The following ZNF385D variants were observed in gnomAD, a reference collection of about 807,000 sequenced individuals.
The protein encoded by ZNF385D is zinc finger protein 659.
A neutral mutation model predicts 35.8 loss-of-function variants in ZNF385D; 15 were observed. The observed-to-expected ratio is 0.42, with a 90% CI of 0.28 to 0.64. The LOEUF (loss-of-function observed/expected upper bound fraction) is 0.64, where lower values mean the gene tolerates loss of function less well. Among genes scored for constraint, ZNF385D ranks in the 30% least tolerant of loss-of-function variants. The probability of loss-of-function intolerance (pLI) is 0.23; values close to 1 mark genes in which losing one functional copy is unlikely to be tolerated. For missense variants in ZNF385D, 474 were observed against 494.6 expected (o/e 0.96, Z 0.39); for synonymous variants, 212 against 186.8 (o/e 1.13, Z -1.10).
chr3:21,743,329 T>C (rs2069610607), intron 1 of ZNF385D, among the ~76,000 whole-genome samples: 1 of 152,116 alleles, frequency 6.6e-6, no homozygotes, highest in Non-Finnish European at 1.5e-5. Context: ...ATACAATTAA[T>C]ATAAGCTTTA....
chr3:22,084,773 A>G (rs532861576), intron 3 of ZNF385D, among the ~76,000 whole-genome samples: 2 of 152,212 alleles, frequency 1.3e-5, no homozygotes, highest in East Asian at 3.8e-4. Context: ...CAGAATATAC[A>G]TTCTTCTCAG....
At chr3:21,491,920 A>G (rs185465483) in intron 4 of ZNF385D, among the ~76,000 whole-genome samples, 1 of 152,252 alleles carries the variant, frequency 6.6e-6, no homozygotes, top group Admixed American at 6.6e-5. Flanking sequence ...TTATTTGCAC[A>G]CTAAAGGTAA....
chr3:22,058,808 T>G (rs1699545880), intron 3 of ZNF385D, among the ~76,000 whole-genome samples: 1 of 152,220 alleles, frequency 6.6e-6, no homozygotes, highest in Non-Finnish European at 1.5e-5. Flanking sequence ...TTGCTTTGTA[T>G]ATTTGGTTAA....
intron 3 of ZNF385D, among the ~76,000 whole-genome samples, chr3:21,793,395 T>C (rs901994823): frequency 3.9e-5 from 6 of 152,248 alleles, no homozygotes; most frequent in Admixed American, 1.3e-4. Context: ...ATTTTGCAGA[T>C]AGAGGGAACA....
chr3:21,999,256 A>G (rs1218782492), intron 3 of ZNF385D, among the ~76,000 whole-genome samples: 2 of 152,230 alleles, frequency 1.3e-5, no homozygotes, highest in Admixed American at 6.5e-5. Flanking sequence ...ACTGACAAAC[A>G]TATTCTATAA....
chr3:21,526,161 T>C (rs185913737), intron 3 of ZNF385D, among the ~76,000 whole-genome samples: 1 of 152,156 alleles, frequency 6.6e-6, no homozygotes, highest in Non-Finnish European at 1.5e-5. Context: ...TCAAGCTGCA[T>C]GGAAACTAAG....
chr3:21,915,653 A>G (rs1700161257), intron 3 of ZNF385D, among the ~76,000 whole-genome samples: 1 of 152,180 alleles, frequency 6.6e-6, no homozygotes, highest in African/African-American at 2.4e-5. Context: ...AAAAAAACAA[A>G]AACAACAAAG....
chr3:21,507,633 C>G (rs987280332), intron 4 of ZNF385D, among the ~76,000 whole-genome samples: 4 of 152,102 alleles, frequency 2.6e-5, no homozygotes, highest in African/African-American at 9.7e-5. Flanking sequence ...TGAGGTCTCA[C>G]TTATTTTGCC....
chr3:21,873,024 C>T (rs533936065), intron 3 of ZNF385D, among the ~76,000 whole-genome samples: 9 of 152,184 alleles, frequency 5.9e-5, no homozygotes, highest in African/African-American at 2.2e-4. Context: ...CAGATCAAGT[C>T]AAGGTTCGGC....
At chr3:21,813,600 C>T (rs903553509) in intron 3 of ZNF385D, among the ~76,000 whole-genome samples, 15 of 151,880 alleles carry the variant, frequency 9.9e-5, no homozygotes, top group East Asian at 9.7e-4. Flanking sequence ...GAAAGGGTAT[C>T]GATGATTGAA....
intron 1 of ZNF385D, among the ~76,000 whole-genome samples, chr3:21,676,971 AGAG>A (rs2066748311): frequency 1.3e-5 from 2 of 152,098 alleles, no homozygotes; most frequent in Non-Finnish European, 2.9e-5. Flanking sequence ...CCAGAAAAAA[AGAG>A]AAACTGCTTA....
At chr3:22,184,839 T>C (rs17010965) in intron 2 of ZNF385D, among the ~76,000 whole-genome samples, 4,205 of 152,222 alleles carry the variant, frequency 0.028, 191 homozygotes, top group African/African-American at 0.095. Context: ...ATGGACTACA[T>C]TGCCATGAAC....
chr3:21,526,303 A>G (rs1348729683), intron 3 of ZNF385D, among the ~76,000 whole-genome samples: 3 of 151,902 alleles, frequency 2.0e-5, no homozygotes, highest in African/African-American at 4.8e-5. Flanking sequence ...CCTGCACACA[A>G]ACTTCCAAGC....
chr3:22,044,699 C>T (rs1018302272), intron 3 of ZNF385D, among the ~76,000 whole-genome samples: 10 of 152,078 alleles, frequency 6.6e-5, no homozygotes, highest in African/African-American at 2.4e-4. Context: ...TTAACCTGCT[C>T]TATTGGGAAG....
chr3:21,760,935 G>C (rs995505559), intron 3 of ZNF385D, among the ~76,000 whole-genome samples: 1 of 152,118 alleles, frequency 6.6e-6, no homozygotes, highest in Non-Finnish European at 1.5e-5. Context: ...GGGCTGATCC[G>C]TGTAAACAGT....
intron 3 of ZNF385D, among the ~76,000 whole-genome samples, chr3:21,974,808 T>A (rs1323804155): frequency 6.6e-6 from 1 of 152,024 alleles, no homozygotes; most frequent in African/African-American, 2.4e-5. Flanking sequence ...CAAACAAGGA[T>A]ATAAAAGTGT....
chr3:21,722,690 G>C (rs1032752620), intron 1 of ZNF385D, among the ~76,000 whole-genome samples: 2 of 152,166 alleles, frequency 1.3e-5, no homozygotes, highest in African/African-American at 4.8e-5. Flanking sequence ...ATATGATCTA[G>C]ATTCTTTTGC....
chr3:22,333,236 C>T (rs1185725839), intron 2 of ZNF385D, among the ~76,000 whole-genome samples: 1 of 152,072 alleles, frequency 6.6e-6, no homozygotes, highest in Non-Finnish European at 1.5e-5. Context: ...TTTTCTCAGC[C>T]GCTGGCTTTC....
At chr3:21,784,470 AAT>A (rs1358235318) in intron 3 of ZNF385D, among the ~76,000 whole-genome samples, 2 of 152,144 alleles carry the variant, frequency 1.3e-5, no homozygotes, top group Non-Finnish European at 1.5e-5. Flanking sequence ...AAGAAATTCA[AAT>A]AGTCTACTTT....
Sources: allele counts gnomAD v4.1 joint callset (sites outside exome capture counted in the v4.1 genomes callset), GRCh38; gene constraint gnomAD v4.1.1; transcripts MANE v1.5; gene names NCBI Gene and HGNC (gene_info 2026-07-23, HGNC 2026-07-21).